The following NCOA2 variants were observed in gnomAD, a reference collection of about 807,000 sequenced individuals.
NCOA2 encodes the protein nuclear receptor coactivator 2, also known as class E basic helix-loop-helix protein 75.
NCOA2 carries 21 observed loss-of-function variants against 145.1 expected under a neutral mutation model. The ratio of observed to expected loss-of-function variants is 0.14; its 90% CI spans 0.10 to 0.21. The LOEUF is 0.21. Among genes scored for constraint, NCOA2 ranks in the 10% least tolerant of loss-of-function variants. The pLI is 1.00. For synonymous variants in NCOA2, 619 were observed against 637.5 expected, an observed-to-expected ratio of 0.97 and a Z score of 0.44; for missense variants, 1,472 against 1,837.6, an observed-to-expected ratio of 0.80 and a Z score of 3.64.
chr8:70,399,888 T>C (rs1437475601), intron 1 of NCOA2, among the ~76,000 whole-genome samples: 1 of 152,254 alleles, frequency 6.6e-6, no homozygotes, highest in Non-Finnish European at 1.5e-5. Flanking sequence ...TGTCAACTTA[T>C]GGGTCACATT....
chr8:70,210,406 C>T (rs74532037), intron 4 of NCOA2, among the ~76,000 whole-genome samples: 6,874 of 152,246 alleles, frequency 0.045, 255 homozygotes, highest in East Asian at 0.16. Context: ...AAAAACCCCA[C>T]CAACATGTAC....
At chr8:70,274,228 C>A (rs1180255334) in intron 2 of NCOA2, among the ~76,000 whole-genome samples, 2 of 147,820 alleles carry the variant, frequency 1.4e-5, no homozygotes, top group Non-Finnish European at 3.0e-5. Flanking sequence ...AAAAACCTTA[C>A]ATCAGGGACA....
chr8:70,283,862 C>A (rs1056672649), intron 2 of NCOA2, among the ~76,000 whole-genome samples: 6 of 152,116 alleles, frequency 3.9e-5, no homozygotes, highest in Non-Finnish European at 7.3e-5. Flanking sequence ...CATGTTGGTG[C>A]TCAAAAAGTT....
intron 2 of NCOA2, among the ~76,000 whole-genome samples, chr8:70,272,892 A>G (rs1158826813): frequency 6.6e-6 from 1 of 152,152 alleles, no homozygotes; most frequent in African/African-American, 2.4e-5. Flanking sequence ...AAGAAAACTA[A>G]CTTTCATCTT....
chr8:70,348,439 G>A (rs1175221425), intron 1 of NCOA2, among the ~76,000 whole-genome samples: 1 of 152,094 alleles, frequency 6.6e-6, no homozygotes, highest in East Asian at 1.9e-4. Flanking sequence ...ACGTAATTTG[G>A]GGCTAAAGAG....
At chr8:70,174,696 T>G in intron 5 of NCOA2, 60 bp downstream of exon 5, 1 of 1,414,052 alleles carries the variant, frequency 7.1e-7, no homozygotes, top group Non-Finnish European at 1.0e-6. Context: ...TGAAATTAAA[T>G]GTAATAATGT....
chr8:70,284,708 G>A (rs377144096), intron 2 of NCOA2, among the ~76,000 whole-genome samples: 50 of 152,180 alleles, frequency 3.3e-4, no homozygotes, highest in African/African-American at 1.1e-3. Context: ...TGTGGTGTAC[G>A]GAAGAGAGTG....
chr8:70,261,565 C>T (rs1016366015), intron 2 of NCOA2, among the ~76,000 whole-genome samples: 3 of 151,950 alleles, frequency 2.0e-5, no homozygotes, highest in Admixed American at 6.5e-5. Context: ...ACATTGCGCA[C>T]ATGTACCCTA....
intron 1 of NCOA2, among the ~76,000 whole-genome samples, chr8:70,395,343 C>G (rs1382298390): frequency 6.6e-6 from 1 of 152,170 alleles, no homozygotes; most frequent in Non-Finnish European, 1.5e-5. Context: ...ACATCCAGAA[C>G]AGGCTGCTGG....
chr8:70,342,280 G>C (rs1405980230), intron 1 of NCOA2, among the ~76,000 whole-genome samples: 2 of 151,970 alleles, frequency 1.3e-5, no homozygotes, highest in African/African-American at 4.8e-5. Context: ...AAATTAAACA[G>C]GAAGCAAAAC....
Position 70,174,788 on chromosome 8 carries a change from C to A in NCOA2, c.331G>T (p.Asp111Tyr). 6.2e-7 allele frequency: 1 copy of A among 1,613,746 alleles called. No individual in the cohort carries two copies. The highest frequency in any genetic ancestry group is 8.5e-7 in the Non-Finnish European group (1 of 1,179,686). The change falls in exon 5 of 23, where the codon GAC becomes TAC. Residue 111 changes from aspartate to tyrosine, a missense_variant. By Grantham distance (160) the Asp-to-Tyr change is radical (BLOSUM62 -3). Coordinates refer to ENST00000452400, the MANE Select transcript of NCOA2 (RefSeq NM_006540.4). The part of the protein sequence containing the change: ...DVSSTGQGVI[D>Y]KDALGPMMLE... ...ATCATAGGCCCCAGCGCATCCTTGT[C>A]GATGACACCCTGCCCTGTAGAGGAT...
chr8:70,185,269 G>A (rs963509629), intron 4 of NCOA2, among the ~76,000 whole-genome samples: 1 of 152,100 alleles, frequency 6.6e-6, no homozygotes, highest in African/African-American at 2.4e-5. Context: ...CCTCACCAGT[G>A]TGGTTTTTCA....
chr8:70,370,696 T>C (rs1811137042), intron 1 of NCOA2, among the ~76,000 whole-genome samples: 1 of 152,170 alleles, frequency 6.6e-6, no homozygotes, highest in African/African-American at 2.4e-5. Context: ...ACGTACGTTA[T>C]TTATTCCTTA....
chr8:70,399,606 A>G (rs964607341), intron 1 of NCOA2, among the ~76,000 whole-genome samples: 13 of 152,250 alleles, frequency 8.5e-5, no homozygotes, highest in African/African-American at 3.1e-4. Context: ...ACAAAACTAC[A>G]TACGCAAAAT....
intron 1 of NCOA2, among the ~76,000 whole-genome samples, chr8:70,318,707 G>A (rs547750295): frequency 2.7e-4 from 41 of 152,106 alleles, no homozygotes; most frequent in Non-Finnish European, 5.0e-4. Flanking sequence ...TGAGGCTGCC[G>A]TTAGCTGTAA....
intron 2 of NCOA2, among the ~76,000 whole-genome samples, chr8:70,219,554 AG>A (rs1481647679): frequency 6.6e-6 from 1 of 152,168 alleles, no homozygotes; most frequent in Non-Finnish European, 1.5e-5. Flanking sequence ...GGTAACCTCC[AG>A]GAAGTGCCAA....
At chr8:70,280,968 C>G (rs1413067787) in intron 2 of NCOA2, among the ~76,000 whole-genome samples, 2 of 151,660 alleles carry the variant, frequency 1.3e-5, no homozygotes, top group Admixed American at 6.6e-5. Flanking sequence ...CAGGGGAAGG[C>G]AGAGGGCTGG....
At chr8:70,339,845 T>A (rs539096655) in intron 1 of NCOA2, among the ~76,000 whole-genome samples, 1 of 152,172 alleles carries the variant, frequency 6.6e-6, no homozygotes, top group South Asian at 2.1e-4. Context: ...GGGGAAAAGA[T>A]TCCCCGTTTA....
chr8:70,123,763 C>A (rs1187408877), intron 21 of NCOA2, 121 bp downstream of exon 21: 2 of 754,892 alleles, frequency 2.6e-6, no homozygotes, highest in Admixed American at 6.6e-5. Context: ...GAAAAACACT[C>A]CTCAAAGTAA....
Sources: gnomAD v4.1 joint callset for allele counts (sites outside exome capture counted in the v4.1 genomes callset) on GRCh38, gnomAD v4.1.1 for gene constraint, MANE v1.5 for transcripts, NCBI Gene and HGNC (gene_info 2026-07-23, HGNC 2026-07-21) for gene names.